STPG4: variants seen among roughly 807,000 people sequenced by gnomAD.
STPG4 encodes the protein sperm-tail PG-rich repeat containing 4.
Under a neutral mutation model 31.5 loss-of-function variants are expected in STPG4, and 41 were observed. The observed-to-expected ratio is 1.30, with a 90% CI of 1.01 to 1.69. STPG4 has a LOEUF of 1.69. STPG4 is among the 40% of genes most tolerant of loss of function. The probability of loss-of-function intolerance (pLI) is 0.00; values close to 1 mark genes in which losing one functional copy is unlikely to be tolerated. For synonymous variants in STPG4, 141 were observed against 103.0 expected, an observed-to-expected ratio of 1.37 and a Z score of -2.24; for missense variants, 375 against 293.4, an observed-to-expected ratio of 1.28 and a Z score of -2.03.
At chr2:47,092,159 T>TTTTTTTTTTTTTTTTTTTTTTTTG (rs1553422674) in intron 5 of STPG4, among the ~76,000 whole-genome samples, 1 of 133,586 alleles carries the variant, frequency 7.5e-6, no homozygotes, top group African/African-American at 2.8e-5. Flanking sequence ...CTAATTTTTC[T>TTTTTTTTTTTTTTTTTTTTTTTTG]ACAATGAACA....
chr2:47,118,515 A>G (rs2103764662), intron 5 of STPG4, among the ~76,000 whole-genome samples: 1 of 152,314 alleles, frequency 6.6e-6, no homozygotes, highest in South Asian at 2.1e-4. Context: ...CACTTGAATC[A>G]TCCCGAAACC....
chr2:47,108,918 T>A (rs1685980142), intron 5 of STPG4: 1 of 152,300 alleles, frequency 6.6e-6, no homozygotes, highest in Non-Finnish European at 1.5e-5. Context: ...GCAGCCATTT[T>A]GCCTAGCCCA....
chr2:47,112,869 C>T (rs561744664), intron 5 of STPG4, among the ~76,000 whole-genome samples: 1 of 151,986 alleles, frequency 6.6e-6, no homozygotes, highest in Admixed American at 6.6e-5. Flanking sequence ...TGATGACACA[C>T]ACCTATTAGT....
intron 5 of STPG4, among the ~76,000 whole-genome samples, chr2:47,123,940 G>T (rs1351474556): frequency 6.6e-6 from 1 of 151,830 alleles, no homozygotes; most frequent in African/African-American, 2.4e-5. Flanking sequence ...ATTTCTTTAT[G>T]TTACAAACAT....
At chr2:47,144,292 T>C (rs919260727) in intron 3 of STPG4, among the ~76,000 whole-genome samples, 3 of 152,222 alleles carry the variant, frequency 2.0e-5, no homozygotes, top group Non-Finnish European at 4.4e-5. Context: ...CTTCAACATA[T>C]CCTTTCCTTA....
intron 5 of STPG4, among the ~76,000 whole-genome samples, chr2:47,126,960 G>A (rs1686377859): frequency 2.0e-5 from 3 of 151,828 alleles, no homozygotes; most frequent in Admixed American, 1.3e-4. Flanking sequence ...CTTGATTTTT[G>A]GGAGTTTGAT....
chr2:47,138,943 C>T (rs1374353509), intron 3 of STPG4, among the ~76,000 whole-genome samples: 2 of 152,192 alleles, frequency 1.3e-5, no homozygotes, highest in Non-Finnish European at 2.9e-5. Flanking sequence ...CCTTGGCCTC[C>T]CAATGTGCTG....
chr2:47,112,389 T>A (rs1686056388), intron 5 of STPG4, among the ~76,000 whole-genome samples: 1 of 152,098 alleles, frequency 6.6e-6, no homozygotes, highest in Non-Finnish European at 1.5e-5. Context: ...CAAGCTGGTC[T>A]CAAACTCCTG....
At chr2:47,130,019 A>C in intron 4 of STPG4, 24 bp from the exon 5 acceptor site, 2 of 1,518,174 alleles carry the variant, frequency 1.3e-6, no homozygotes, top group Non-Finnish European at 1.8e-6. Flanking sequence ...TAAAAAAGAA[A>C]AGTGATTTTC....
chr2:47,095,729 A>G (rs1224501110), intron 5 of STPG4, among the ~76,000 whole-genome samples: 1 of 152,180 alleles, frequency 6.6e-6, no homozygotes, highest in Non-Finnish European at 1.5e-5. Flanking sequence ...TGTTAGAACA[A>G]TTTTTAACTG....
rs1001478393 is a variant in STPG4, at chr2:47,087,157, T to A, written c.625-27A>T. ...TGAAAACAGAGCAGAAAACAGGGAC[T>A]GATGAGACAGTGAAACCAAAACCCT... On this transcript the variant is annotated intron_variant, in intron 6 of 6. Coordinates refer to ENST00000445927, the MANE Select transcript of STPG4 (RefSeq NM_001163561.2). 8 of 1,550,148 alleles carry A rather than the reference T, an allele frequency of 5.2e-6. No homozygotes were observed. In the African/African-American group the frequency reaches 9.6e-5, roughly 19 times the overall value.
At chr2:47,094,738 G>C (rs927471152) in intron 5 of STPG4, among the ~76,000 whole-genome samples, 4 of 152,162 alleles carry the variant, frequency 2.6e-5, no homozygotes, top group African/African-American at 4.8e-5. Context: ...AGTGGGTTAC[G>C]GGATGTCGCC....
At chr2:47,114,588 C>A (rs563745570) in intron 5 of STPG4, among the ~76,000 whole-genome samples, 13 of 152,182 alleles carry the variant, frequency 8.5e-5, no homozygotes, top group South Asian at 4.1e-4. Flanking sequence ...GCATTGAGTA[C>A]CAATATTCTT....
At chr2:47,117,808 A>T (rs979277039) in intron 5 of STPG4, among the ~76,000 whole-genome samples, 3 of 152,220 alleles carry the variant, frequency 2.0e-5, no homozygotes, top group Non-Finnish European at 4.4e-5. Context: ...AGATGAAAGA[A>T]CTTGCATATG....
chr2:47,125,936 A>G (rs947252371), intron 5 of STPG4, among the ~76,000 whole-genome samples: 3 of 152,074 alleles, frequency 2.0e-5, no homozygotes, highest in African/African-American at 4.8e-5. Context: ...ATTCATCTTC[A>G]TATGGATATC....
intron 3 of STPG4, among the ~76,000 whole-genome samples, chr2:47,132,956 C>T (rs1002013826): frequency 6.6e-6 from 1 of 152,086 alleles, no homozygotes; most frequent in Non-Finnish European, 1.5e-5. Context: ...TTACCTGTAA[C>T]ATCTATATTT....
At chr2:47,098,259 G>T (rs972907330) in intron 5 of STPG4, among the ~76,000 whole-genome samples, 1 of 152,186 alleles carries the variant, frequency 6.6e-6, no homozygotes, top group African/African-American at 2.4e-5. Flanking sequence ...CCACAGACCG[G>T]AGAGCCAGAG....
intron 2 of STPG4, among the ~76,000 whole-genome samples, chr2:47,152,653 C>CT (rs764946158): frequency 1.4e-4 from 21 of 152,122 alleles, no homozygotes; most frequent in Non-Finnish European, 2.6e-4. Context: ...AGAATGTATG[C>CT]TTTTTTTGTT....
intron 5 of STPG4, among the ~76,000 whole-genome samples, chr2:47,104,949 G>T (rs954748613): frequency 6.6e-6 from 1 of 151,874 alleles, no homozygotes; most frequent in Non-Finnish European, 1.5e-5. Flanking sequence ...AACAGTTGAG[G>T]GGGTTCCTTG....
Sources: allele counts gnomAD v4.1 joint callset (sites outside exome capture counted in the v4.1 genomes callset), GRCh38; gene constraint gnomAD v4.1.1; transcripts MANE v1.5; gene names NCBI Gene and HGNC (gene_info 2026-07-23, HGNC 2026-07-21).